ZNF184: variants seen among roughly 807,000 people sequenced by gnomAD.
ZNF184 encodes zinc finger protein 184 (Kruppel-like).
A neutral mutation model predicts 54.4 loss-of-function variants in ZNF184; 16 were observed. The observed-to-expected ratio is 0.29, with a 90% CI of 0.20 to 0.45. The LOEUF (loss-of-function observed/expected upper bound fraction) is 0.45, where lower values mean the gene tolerates loss of function less well. Among genes scored for constraint, ZNF184 ranks in the 20% least tolerant of loss-of-function variants. The pLI, the probability that ZNF184 is intolerant of heterozygous loss-of-function variation, is 1.00. For missense variants in ZNF184, 681 were observed against 888.2 expected (o/e 0.77, Z 2.97); for synonymous variants, 254 against 295.3 (o/e 0.86, Z 1.43).
At chr6:27,464,983 C>T (rs1335678920) in intron 3 of ZNF184, among the ~76,000 whole-genome samples, 2 of 135,596 alleles carry the variant, frequency 1.5e-5, no homozygotes, top group Non-Finnish European at 3.1e-5. Context: ...CCCCACTGCA[C>T]TCCAGGCTGG....
chr6:27,433,563 T>C, the ZNF184 span, among the ~76,000 whole-genome samples: 3 of 152,210 alleles, frequency 2.0e-5, no homozygotes, highest in African/African-American at 7.2e-5. Context: ...TTATTCTAGA[T>C]ACCTCACCTA....
chr6:27,461,629 C>T (rs1361119254), intron 3 of ZNF184, among the ~76,000 whole-genome samples: 1 of 152,192 alleles, frequency 6.6e-6, no homozygotes, highest in East Asian at 1.9e-4. Context: ...CACACTGAAC[C>T]TCAGGTAGCA....
chr6:27,463,623 C>A lies in ZNF184; in HGVS notation c.75+4230G>T, dbSNP rs113862785. Reference sequence around the variant, plus strand: ...TGATTTTAACCACAAAAAAATTGCACCAAAATACATCATAATCAAATAGTT... The same window carrying A: ...TGATTTTAACCACAAAAAAATTGCAACAAAATACATCATAATCAAATAGTT... On this transcript the variant is annotated intron_variant, in intron 3 of 5. Coordinates refer to ENST00000683788, the MANE Select transcript of ZNF184 (RefSeq NM_001318891.2). Among the ~76,000 whole-genome samples the A allele has an allele frequency of 4.6e-4, 69 of 151,616 alleles. 1 individual carries two copies. The highest frequency in any genetic ancestry group is 1.6e-3 in the African/African-American group (65 of 41,348).
At chr6:27,460,013 A>G (rs1169538939) in intron 3 of ZNF184, among the ~76,000 whole-genome samples, 2 of 152,170 alleles carry the variant, frequency 1.3e-5, no homozygotes, top group African/African-American at 2.4e-5. Flanking sequence ...AGATAAAAAT[A>G]GAAATAAGCT....
the ZNF184 span, among the ~76,000 whole-genome samples, chr6:27,421,243 G>A: frequency 2.6e-4 from 39 of 152,228 alleles, no homozygotes; most frequent in Non-Finnish European, 1.6e-4. Flanking sequence ...ACTGTGAGTA[G>A]TAATATGTGT....
chr6:27,413,655 A>G, the ZNF184 span, among the ~76,000 whole-genome samples: 7 of 152,216 alleles, frequency 4.6e-5, no homozygotes, highest in African/African-American at 9.6e-5. Context: ...ATGCATTTCT[A>G]AAAACCATGG....
At chr6:27,471,542 A>C in intron 2 of ZNF184, among the ~76,000 whole-genome samples, 1 of 152,238 alleles carries the variant, frequency 6.6e-6, no homozygotes, top group East Asian at 1.9e-4. Flanking sequence ...TACTTTTCAA[A>C]GCACATCCAA....
downstream of ZNF184, among the ~76,000 whole-genome samples, chr6:27,448,725 A>G (rs1307957442): frequency 6.6e-6 from 1 of 151,680 alleles, no homozygotes; most frequent in Non-Finnish European, 1.5e-5. Flanking sequence ...ACCACCTCCA[A>G]GTGTGTGCTC....
At chr6:27,467,945 T>G (rs202039660) in intron 2 of ZNF184, 25 bp from the exon 3 acceptor site, 468 of 1,553,854 alleles carry the variant, frequency 3.0e-4, no homozygotes, top group Non-Finnish European at 3.9e-4. Context: ...AGGAGCCATA[T>G]GACTTCTGTT....
chr6:27,442,878 GAAAAAGAAAA>G, the ZNF184 span, among the ~76,000 whole-genome samples: 5 of 25,318 alleles, frequency 2.0e-4, no homozygotes, highest in Non-Finnish European at 4.4e-4. Context: ...AAGAAAGAAA[GAAAAAGAAAA>G]AAAGAAAGAA....
In ZNF184 at chr6:27,452,517, G is replaced by C; in HGVS notation, c.1042C>G (p.His348Asp). ...TGAATTTTCTGATGTTCCATAAAGT[G>C]GCCTCTCTGGCTAAAGGCTTTTCCA... ...ECGKAFSQRG[H>D]FMEHQKIHTG... Residue 348 changes from histidine (H) to aspartate (D), a missense_variant, in exon 6 of 6, where the codon CAC becomes GAC. His to Asp is a moderately conservative substitution (Grantham distance 81, BLOSUM62 -1). Coordinates refer to ENST00000683788, the MANE Select transcript of ZNF184 (RefSeq NM_001318891.2). This position sits in a 1 kb window ranked among gnomAD's most constrained non-coding sequence, Gnocchi z 5.5. 2 of 1,613,962 alleles carry C rather than the reference G, an allele frequency of 1.2e-6. No individual in the cohort carries two copies. Among genetic ancestry groups the C allele is most frequent in the Non-Finnish European group, 1.7e-6 (2 of 1,180,006 alleles).
chr6:27,428,400 C>T, the ZNF184 span, among the ~76,000 whole-genome samples: 4 of 152,178 alleles, frequency 2.6e-5, no homozygotes, highest in South Asian at 8.3e-4. The surrounding 1 kb of genome is among the most constrained non-coding windows in gnomAD (Gnocchi z 4.1). Context: ...TTGGAATCTC[C>T]CTTTCTTCCC....
At chr6:27,454,081 A>G (rs1192584039) in intron 5 of ZNF184, among the ~76,000 whole-genome samples, 2 of 152,206 alleles carry the variant, frequency 1.3e-5, no homozygotes, top group Non-Finnish European at 2.9e-5. Flanking sequence ...AACAGAAGAA[A>G]CATAACCAGG....
the ZNF184 span, among the ~76,000 whole-genome samples, chr6:27,425,072 G>C: frequency 6.6e-6 from 1 of 152,238 alleles, no homozygotes; most frequent in Non-Finnish European, 1.5e-5. Context: ...TGGCCCAGGT[G>C]CCAAGCCCCT....
chr6:27,458,044 T>C (rs2113719745), intron 3 of ZNF184, among the ~76,000 whole-genome samples: 1 of 150,144 alleles, frequency 6.7e-6, no homozygotes, highest in East Asian at 1.9e-4. Flanking sequence ...CGACTGTCTA[T>C]GAAAAAAAAA....
At chr6:27,419,580 A>C in the ZNF184 span, among the ~76,000 whole-genome samples, 1 of 150,780 alleles carries the variant, frequency 6.6e-6, no homozygotes, top group Non-Finnish European at 1.5e-5. The surrounding 1 kb of genome is among the most constrained non-coding windows in gnomAD (Gnocchi z 4.8). Context: ...ATAGATTCAT[A>C]AATAGATAGA....
At chr6:27,412,379 G>A in the ZNF184 span, among the ~76,000 whole-genome samples, 3 of 152,142 alleles carry the variant, frequency 2.0e-5, no homozygotes, top group Non-Finnish European at 4.4e-5. Flanking sequence ...GAGACAACCA[G>A]GTCCATGCAT....
chr6:27,422,148 A>AAAAGAAAAAGAAAG, the ZNF184 span, among the ~76,000 whole-genome samples: 1 of 43,456 alleles, frequency 2.3e-5, no homozygotes, highest in East Asian at 7.9e-4. Context: ...CTCAAAAAAA[A>AAAAGAAAAAGAAAG]AAAGAAAGAA....
the ZNF184 span, among the ~76,000 whole-genome samples, chr6:27,429,041 G>C: frequency 2.0e-5 from 3 of 152,140 alleles, no homozygotes; most frequent in Non-Finnish European, 4.4e-5. Flanking sequence ...GGGAAAGCCT[G>C]GACTGGATAC....
Sources: allele counts gnomAD v4.1 joint callset (sites outside exome capture counted in the v4.1 genomes callset), GRCh38; gene constraint gnomAD v4.1.1; non-coding constraint Gnocchi (gnomAD v3.1); transcripts MANE v1.5; gene names NCBI Gene and HGNC (gene_info 2026-07-23, HGNC 2026-07-21).